WWTR1: variants seen among roughly 807,000 people sequenced by gnomAD.
WWTR1 encodes WW domain containing transcription regulator 1, also known as WW domain-containing transcription regulator protein 1.
Under a neutral mutation model 40.1 loss-of-function variants are expected in WWTR1, and 13 were observed. The observed-to-expected ratio is 0.32, with a 90% CI of 0.21 to 0.52. The LOEUF (loss-of-function observed/expected upper bound fraction) is 0.52. WWTR1 is among the 20% of genes least tolerant of loss of function. The probability of loss-of-function intolerance (pLI) is 0.97; values close to 1 mark genes in which losing one functional copy is unlikely to be tolerated. For synonymous variants in WWTR1, 230 were observed against 210.1 expected, an observed-to-expected ratio of 1.09 and a Z score of -0.82; for missense variants, 436 against 523.1, an observed-to-expected ratio of 0.83 and a Z score of 1.63.
intron 1 of WWTR1, among the ~76,000 whole-genome samples, chr3:149,679,158 TA>T (rs1946812672): frequency 6.6e-6 from 1 of 152,208 alleles, no homozygotes; most frequent in Admixed American, 6.5e-5. Flanking sequence ...GTAAAATTTA[TA>T]AAAGTAGAAT....
chr3:149,705,431 C>CA (rs1646213550), upstream of WWTR1, among the ~76,000 whole-genome samples: 1 of 152,098 alleles, frequency 6.6e-6, no homozygotes, highest in Non-Finnish European at 1.5e-5. Flanking sequence ...TGTCAGAAAA[C>CA]AATATGAGAT....
intron 5 of WWTR1, among the ~76,000 whole-genome samples, chr3:149,712,244 C>T (rs1044171325): frequency 6.6e-6 from 1 of 152,138 alleles, no homozygotes; most frequent in Non-Finnish European, 1.5e-5. Flanking sequence ...TATGACCACA[C>T]CTGTGAATAG....
chr3:149,661,733 GT>G (rs369645645), upstream of WWTR1, among the ~76,000 whole-genome samples: 1,353 of 133,826 alleles, frequency 0.01, 17 homozygotes, highest in African/African-American at 0.034. Context: ...CACAAATAAA[GT>G]TTTTTTTTTT....
intron 2 of WWTR1, among the ~76,000 whole-genome samples, chr3:149,628,747 A>ATTTT (rs879645297): frequency 2.2e-5 from 1 of 46,362 alleles, no homozygotes; most frequent in African/African-American, 4.9e-5. Flanking sequence ...TTTTTATTTT[A>ATTTT]TTTTATTTTA....
At chr3:149,720,377 T>A (rs954549225) in intron 4 of WWTR1, among the ~76,000 whole-genome samples, 2 of 152,182 alleles carry the variant, frequency 1.3e-5, no homozygotes, top group Non-Finnish European at 2.9e-5. Flanking sequence ...GAAAAGACTG[T>A]CCTTTTCTTA....
chr3:149,615,513 T>C (rs571467075), intron 2 of WWTR1, among the ~76,000 whole-genome samples: 1 of 152,236 alleles, frequency 6.6e-6, no homozygotes, highest in Non-Finnish European at 1.5e-5. Flanking sequence ...CTCTTATGGA[T>C]ATTTGAATAT....
At chr3:149,720,739 C>T (rs1052014143) in intron 4 of WWTR1, among the ~76,000 whole-genome samples, 1 of 151,890 alleles carries the variant, frequency 6.6e-6, no homozygotes, top group South Asian at 2.1e-4. Flanking sequence ...ATTAAGTCTT[C>T]CAATCCGTGA....
chr3:149,672,980 T>C (rs1235456112), intron 1 of WWTR1, among the ~76,000 whole-genome samples: 1 of 152,102 alleles, frequency 6.6e-6, no homozygotes, highest in East Asian at 1.9e-4. Flanking sequence ...ACTTTTCCTA[T>C]CTACTTAATG....
intron 3 of WWTR1, among the ~76,000 whole-genome samples, chr3:149,572,380 A>G (rs893416729): frequency 5.9e-5 from 9 of 152,148 alleles, no homozygotes; most frequent in Non-Finnish European, 1.2e-4. Flanking sequence ...AAGTCACCCA[A>G]AGCGTGTATG....
In WWTR1 at chr3:149,576,111, G is replaced by A. The variant is rs2108003833; in HGVS notation, c.432-3111C>T. 6.6e-6 allele frequency: 3 copies of A among 456,700 alleles called. 1 individual carries two copies. The highest frequency in any genetic ancestry group is 3.1e-5 in the South Asian group (2 of 64,566). The allele number at this position is 456,700 out of a possible 1,614,324, so 28.3% of individuals were successfully genotyped here. The stretch of plus-strand genomic sequence containing the variant: ...TCTCATTGCTCCAAAACAACTCTGA[G>A]AAGAAAGCCCAAATTCCTGGCTCTG... On this transcript the variant is annotated intron_variant, in intron 2 of 6. Transcript: ENST00000360632.
intron 5 of WWTR1, among the ~76,000 whole-genome samples, chr3:149,711,364 C>A (rs1391482642): frequency 6.6e-6 from 1 of 151,980 alleles, no homozygotes; most frequent in Non-Finnish European, 1.5e-5. Context: ...ATATAATAGT[C>A]AAAAGTATAT....
At chr3:149,527,788 C>G (rs374864263) in intron 5 of WWTR1, 48 bp downstream of exon 5, 3 of 1,608,898 alleles carry the variant, frequency 1.9e-6, no homozygotes, top group Non-Finnish European at 2.5e-6. Flanking sequence ...TAGTCTAGAT[C>G]ACATAATAAA....
chr3:149,605,083 A>G (rs957464089), intron 2 of WWTR1, among the ~76,000 whole-genome samples: 8 of 152,212 alleles, frequency 5.3e-5, no homozygotes, highest in Non-Finnish European at 1.0e-4. Context: ...CAGAGGCCGG[A>G]GACAGCACAA....
intron 2 of WWTR1, among the ~76,000 whole-genome samples, chr3:149,598,962 T>G (rs1283434127): frequency 6.6e-6 from 1 of 152,224 alleles, no homozygotes; most frequent in Non-Finnish European, 1.5e-5. Flanking sequence ...GATTTTTAAA[T>G]TATTATTTGT....
intron 3 of WWTR1, among the ~76,000 whole-genome samples, chr3:149,554,945 C>A (rs1477650837): frequency 2.0e-5 from 3 of 152,170 alleles, no homozygotes. Context: ...CATGGTTGGG[C>A]AATAGCAGTA....
chr3:149,710,199 G>GA (rs919497114), intron 5 of WWTR1, among the ~76,000 whole-genome samples: 4 of 152,168 alleles, frequency 2.6e-5, no homozygotes, highest in Non-Finnish European at 4.4e-5. Flanking sequence ...TCCTCAGAGT[G>GA]AAAAAATCTG....
chr3:149,697,944 G>C (rs1715044449), intron 1 of WWTR1, among the ~76,000 whole-genome samples: 1 of 152,242 alleles, frequency 6.6e-6, no homozygotes, highest in Admixed American at 6.5e-5. Context: ...AAATCTTAAA[G>C]TTCCAACATA....
chr3:149,623,279 C>T (rs1358637825), intron 2 of WWTR1, among the ~76,000 whole-genome samples: 3 of 152,228 alleles, frequency 2.0e-5, no homozygotes, highest in African/African-American at 7.2e-5. Flanking sequence ...AGGAGAATCA[C>T]TTGAACCTGG....
chr3:149,566,338 C>T (rs776733085), intron 3 of WWTR1, among the ~76,000 whole-genome samples: 2 of 152,126 alleles, frequency 1.3e-5, no homozygotes, highest in Non-Finnish European at 2.9e-5. Context: ...ACAACACCTA[C>T]AACACCCACA....
Sources: allele counts gnomAD v4.1 joint callset (sites outside exome capture counted in the v4.1 genomes callset), GRCh38; gene constraint gnomAD v4.1.1; transcripts MANE v1.5; gene names NCBI Gene and HGNC (gene_info 2026-07-23, HGNC 2026-07-21).